UBR3: variants seen among roughly 807,000 people sequenced by gnomAD.
The protein encoded by UBR3 is ubiquitin protein ligase E3 component n-recognin 3.
In UBR3, 85 loss-of-function variants were observed where a neutral mutation model predicts 243.2. The ratio of observed to expected loss-of-function variants is 0.35; its 90% confidence interval spans 0.29 to 0.42. The LOEUF (loss-of-function observed/expected upper bound fraction) is 0.42, where lower values mean the gene tolerates loss of function less well. Among genes scored for constraint, UBR3 ranks in the 10% least tolerant of loss-of-function variants. UBR3 has a pLI of 1.00. For missense variants in UBR3, 1,686 were observed against 2,300.8 expected, an observed-to-expected ratio of 0.73 and a Z score of 5.47; for synonymous variants, 748 against 799.8, an observed-to-expected ratio of 0.94 and a Z score of 1.09.
chr2:169,942,747 C>G, intron 20 of UBR3, 113 bp downstream of exon 20: 1 of 1,053,308 alleles, frequency 9.5e-7, no homozygotes, highest in Non-Finnish European at 1.3e-6. Context: ...TGTATTTATG[C>G]ATTTAAGATG....
intron 23 of UBR3, among the ~76,000 whole-genome samples, chr2:169,956,925 T>C (rs2087327825): frequency 6.6e-6 from 1 of 152,200 alleles, no homozygotes; most frequent in Admixed American, 6.5e-5. Flanking sequence ...ATATAATAAA[T>C]GGTCATTAAA....
At chr2:170,016,997 C>T in intron 30 of UBR3, 1 of 257,648 alleles carries the variant, frequency 3.9e-6, no homozygotes, top group Non-Finnish European at 6.8e-6. Context: ...ATAAAAGCAG[C>T]CTGTAAGTCA....
chr2:169,852,409 G>A (rs891591027), intron 1 of UBR3, among the ~76,000 whole-genome samples: 1 of 151,982 alleles, frequency 6.6e-6, no homozygotes, highest in Non-Finnish European at 1.5e-5. Context: ...AGCTTGTTTT[G>A]GTAAATAAAA....
chr2:169,850,494 A>T (rs181272275), intron 1 of UBR3, among the ~76,000 whole-genome samples: 235 of 147,000 alleles, frequency 1.6e-3, no homozygotes, highest in African/African-American at 5.5e-3. Context: ...TGGATCTTTT[A>T]AGCACATATT....
intron 5 of UBR3, among the ~76,000 whole-genome samples, chr2:169,885,410 C>T (rs1005013953): frequency 2.0e-5 from 3 of 152,040 alleles, no homozygotes; most frequent in Non-Finnish European, 1.5e-5. Context: ...GGAGAAACCC[C>T]ATTTCTACTA....
At chr2:169,988,621 A>C (rs2089135761) in intron 25 of UBR3, among the ~76,000 whole-genome samples, 1 of 151,984 alleles carries the variant, frequency 6.6e-6, no homozygotes, top group Non-Finnish European at 1.5e-5. Context: ...CCTGGGCAAC[A>C]CAGTAAGACC....
intron 1 of UBR3, among the ~76,000 whole-genome samples, chr2:169,839,664 A>T (rs541208935): frequency 3.9e-5 from 6 of 152,266 alleles, no homozygotes; most frequent in African/African-American, 1.4e-4. Context: ...TGCATCAAAT[A>T]AAACACACAC....
At chr2:169,904,530 T>C (rs2084944571) in intron 8 of UBR3, among the ~76,000 whole-genome samples, 1 of 150,998 alleles carries the variant, frequency 6.6e-6, no homozygotes, top group African/African-American at 2.5e-5. Context: ...GTATTTAAAC[T>C]TTGAGGATTT....
chr2:170,078,077 G>T, intron 36 of UBR3: 1 of 659,004 alleles, frequency 1.5e-6, no homozygotes, highest in Non-Finnish European at 2.8e-6. Context: ...CTTTTGTCTG[G>T]TGTTTCTCTT....
At chr2:169,899,395 T>C (rs2084724471) in intron 8 of UBR3, among the ~76,000 whole-genome samples, 1 of 152,222 alleles carries the variant, frequency 6.6e-6, no homozygotes, top group Admixed American at 6.5e-5. Flanking sequence ...TTGCTTTTTC[T>C]TTTTTCCTTT....
At chr2:169,974,501 C>T (rs935333098) in intron 24 of UBR3, among the ~76,000 whole-genome samples, 3 of 152,012 alleles carry the variant, frequency 2.0e-5, no homozygotes, top group Non-Finnish European at 2.9e-5. Context: ...TCCGTGGCAT[C>T]GTTTGTAATG....
chr2:169,856,880 TA>T (rs1244382698), intron 1 of UBR3, among the ~76,000 whole-genome samples: 3 of 152,012 alleles, frequency 2.0e-5, no homozygotes, highest in African/African-American at 7.3e-5. Context: ...ACTACCTGGC[TA>T]GCATAGTATG....
chr2:169,906,406 A>G (rs1378952258), intron 10 of UBR3, among the ~76,000 whole-genome samples: 2 of 148,874 alleles, frequency 1.3e-5, no homozygotes, highest in Admixed American at 6.9e-5. Context: ...CTCCACATTC[A>G]TCTTTATTGT....
intron 13 of UBR3, 122 bp from the exon 14 acceptor site, chr2:169,925,497 T>C (rs2085876082): frequency 1.2e-6 from 1 of 856,482 alleles, no homozygotes; most frequent in East Asian, 3.1e-5. Context: ...ATCTTTAACA[T>C]TGGACAGAAT....
intron 35 of UBR3, among the ~76,000 whole-genome samples, chr2:170,065,878 T>C (rs1398486513): frequency 6.6e-6 from 1 of 152,020 alleles, no homozygotes; most frequent in Non-Finnish European, 1.5e-5. Context: ...TCTGTTGTCT[T>C]AGTGCACATC....
intron 36 of UBR3, chr2:170,077,603 T>G (rs1430839713): frequency 9.9e-6 from 5 of 504,432 alleles, no homozygotes; most frequent in Non-Finnish European, 1.8e-5. Flanking sequence ...GGAATAACTT[T>G]GAGACAGAGT....
At chr2:170,043,546 T>C (rs1184681610) in intron 32 of UBR3, among the ~76,000 whole-genome samples, 14 of 152,216 alleles carry the variant, frequency 9.2e-5, no homozygotes, top group Admixed American at 9.2e-4. Context: ...ATAATATTGT[T>C]AATAATCATG....
chr2:170,083,990 G>A lies in UBR3; in HGVS notation c.*2147G>A, dbSNP rs2091943408. The stretch of plus-strand genomic sequence containing the variant: ...TACTGGTGTGATATCTTGTATGAAT[G>A]ATCATTTAAATACAGTACATTACTG... On this transcript the variant is annotated 3_prime_UTR_variant, in exon 39 of 39. Coordinates refer to ENST00000272793, the MANE Select transcript of UBR3 (RefSeq NM_172070.4). 6.6e-6 allele frequency: 1 copy of A among 152,486 alleles called. No homozygotes were observed. Among genetic ancestry groups the A allele is most frequent in the Non-Finnish European group, 1.5e-5 (1 of 67,990 alleles). 9.4% of individuals were successfully genotyped at this position (152,486 alleles called of 1,614,324 possible). A position where few individuals can be genotyped will look rare whatever the true frequency, so the allele number is the denominator to read the frequency against.
chr2:169,857,758 T>A (rs1349670264), intron 1 of UBR3, among the ~76,000 whole-genome samples: 2 of 151,572 alleles, frequency 1.3e-5, no homozygotes, highest in African/African-American at 2.4e-5. Context: ...TTATTTTAAG[T>A]TTGAGGCAAG....
Sources: allele counts gnomAD v4.1 joint callset (sites outside exome capture counted in the v4.1 genomes callset), GRCh38; gene constraint gnomAD v4.1.1; transcripts MANE v1.5; gene names NCBI Gene and HGNC (gene_info 2026-07-23, HGNC 2026-07-21).